PACRG: variants seen among roughly 807,000 people sequenced by gnomAD.
The protein encoded by PACRG is parkin coregulated.
Under a neutral mutation model 29.7 loss-of-function variants are expected in PACRG, and 29 were observed. That is an observed-to-expected ratio of 0.98 (90% CI 0.73 to 1.33). The LOEUF (loss-of-function observed/expected upper bound fraction) is 1.33, where lower values mean the gene tolerates loss of function less well. Among genes scored for constraint, PACRG ranks in the 40% most tolerant of loss-of-function variants. The pLI is 0.00. For missense variants in PACRG, 279 were observed against 316.2 expected, an observed-to-expected ratio of 0.88 and a Z score of 0.89; for synonymous variants, 116 against 118.7, an observed-to-expected ratio of 0.98 and a Z score of 0.15.
At chr6:163,060,419 T>C (rs1017914446) in intron 2 of PACRG, among the ~76,000 whole-genome samples, 1 of 152,228 alleles carries the variant, frequency 6.6e-6, no homozygotes, top group Non-Finnish European at 1.5e-5. Flanking sequence ...AAAATAATGT[T>C]TTAAAACATT....
intron 2 of PACRG, among the ~76,000 whole-genome samples, chr6:162,893,542 C>T (rs561652088): frequency 6.6e-6 from 1 of 152,288 alleles, no homozygotes; most frequent in East Asian, 1.9e-4. Flanking sequence ...GTAACCCACA[C>T]TCTGTTTTCA....
chr6:162,763,145 A>G (rs958315571), intron 1 of PACRG, among the ~76,000 whole-genome samples: 1 of 152,240 alleles, frequency 6.6e-6, no homozygotes, highest in Admixed American at 6.5e-5. Context: ...CTTGATTAAT[A>G]AAAATACATG....
chr6:163,193,963 G>A (rs936636809), intron 4 of PACRG, among the ~76,000 whole-genome samples: 2 of 149,934 alleles, frequency 1.3e-5, no homozygotes, highest in Non-Finnish European at 3.0e-5. Flanking sequence ...CGCGATCTCG[G>A]CTCAGTGCAA....
chr6:163,095,847 G>T (rs1404208033), intron 4 of PACRG, among the ~76,000 whole-genome samples: 1 of 152,126 alleles, frequency 6.6e-6, no homozygotes, highest in African/African-American at 2.4e-5. Context: ...ACATCCTAAA[G>T]TTCTGGAAAA....
chr6:162,999,130 A>G (rs534575232), intron 2 of PACRG, among the ~76,000 whole-genome samples: 4 of 152,370 alleles, frequency 2.6e-5, no homozygotes, highest in African/African-American at 7.2e-5. Context: ...TACTTGTGCA[A>G]TGAGTCCAAA....
chr6:162,865,020 G>A (rs1439061802), intron 2 of PACRG, among the ~76,000 whole-genome samples: 1 of 152,162 alleles, frequency 6.6e-6, no homozygotes, highest in Non-Finnish European at 1.5e-5. Flanking sequence ...GCTGTTCGGA[G>A]TTTGCAGAAC....
At chr6:162,763,242 G>A (rs1381067608) in intron 1 of PACRG, among the ~76,000 whole-genome samples, 1 of 152,164 alleles carries the variant, frequency 6.6e-6, no homozygotes, top group African/African-American at 2.4e-5. Flanking sequence ...ATGGACCTGA[G>A]ATGTTTCCTC....
chr6:162,752,548 A>G (rs116544283), intron 1 of PACRG, among the ~76,000 whole-genome samples: 321 of 152,296 alleles, frequency 2.1e-3, no homozygotes, highest in African/African-American at 7.2e-3. Context: ...AATATTCCCA[A>G]AGCCCCACAA....
chr6:163,035,048 A>G (rs921785165), intron 2 of PACRG, among the ~76,000 whole-genome samples: 1 of 152,084 alleles, frequency 6.6e-6, no homozygotes, highest in Non-Finnish European at 1.5e-5. Flanking sequence ...GTACTTGTAA[A>G]CTGTCATGGT....
chr6:163,292,470 C>T (rs925174370), intron 4 of PACRG, among the ~76,000 whole-genome samples: 13 of 152,190 alleles, frequency 8.5e-5, no homozygotes, highest in African/African-American at 2.4e-4. Flanking sequence ...GGCACGATCT[C>T]GGCTCACTGC....
intron 4 of PACRG, chr6:163,112,135 C>G: frequency 1.5e-6 from 1 of 666,082 alleles, no homozygotes; most frequent in African/African-American, 2.0e-5. Context: ...CATCTGCCTC[C>G]CTACCTAGAC....
chr6:163,286,594 G>T (rs1459924267), intron 4 of PACRG, among the ~76,000 whole-genome samples: 2 of 152,158 alleles, frequency 1.3e-5, no homozygotes, highest in Admixed American at 1.3e-4. Context: ...AAATGGCTTT[G>T]CTGTCAAAGA....
At chr6:162,822,895 TATAAC>T (rs577073916) in intron 2 of PACRG, among the ~76,000 whole-genome samples, 1 of 152,182 alleles carries the variant, frequency 6.6e-6, no homozygotes, top group Non-Finnish European at 1.5e-5. Flanking sequence ...TAACATGTAT[TATAAC>T]ATATATGTAT....
At chr6:162,947,302 A>ATCATATATGATCATATATG (rs1554312822) in intron 2 of PACRG, among the ~76,000 whole-genome samples, 5 of 111,762 alleles carry the variant, frequency 4.5e-5, no homozygotes, top group African/African-American at 1.4e-4. Flanking sequence ...ATAATCATAT[A>ATCATATATGATCATATATG]ATATATATAA....
At chr6:163,174,080 G>A (rs2128348972) in intron 4 of PACRG, among the ~76,000 whole-genome samples, 1 of 152,280 alleles carries the variant, frequency 6.6e-6, no homozygotes, top group East Asian at 1.9e-4. Context: ...CTACTCAGCT[G>A]GAAGTGATTT....
intron 2 of PACRG, among the ~76,000 whole-genome samples, chr6:162,865,024 G>A (rs1792178983): frequency 6.6e-6 from 1 of 152,188 alleles, no homozygotes; most frequent in Non-Finnish European, 1.5e-5. Context: ...TTCGGAGTTT[G>A]CAGAACCTCG....
intron 4 of PACRG, among the ~76,000 whole-genome samples, chr6:163,097,978 C>T (rs1394444989): frequency 6.6e-6 from 1 of 152,022 alleles, no homozygotes; most frequent in Admixed American, 6.5e-5. Context: ...CTTTTCAGTC[C>T]ATTTCAAAAT....
intron 2 of PACRG, chr6:163,052,109 C>A (rs1057496902): frequency 1.5e-4 from 23 of 152,022 alleles, no homozygotes; most frequent in Admixed American, 1.3e-3. Context: ...AATAATAGTA[C>A]ATCTACTTGT....
intron 2 of PACRG, among the ~76,000 whole-genome samples, chr6:163,045,713 C>A (rs1276915689): frequency 1.3e-5 from 2 of 149,640 alleles, no homozygotes; most frequent in Non-Finnish European, 3.0e-5. Context: ...ACCTCCGCCT[C>A]CCAGGTTCAA....
Sources: allele counts gnomAD v4.1 joint callset (sites outside exome capture counted in the v4.1 genomes callset), GRCh38; gene constraint gnomAD v4.1.1; transcripts MANE v1.5; gene names NCBI Gene and HGNC (gene_info 2026-07-23, HGNC 2026-07-21).